The following FAM53A variants were observed in gnomAD, a reference collection of about 807,000 sequenced individuals.
FAM53A encodes protein FAM53A.
A neutral mutation model predicts 26.6 loss-of-function variants in FAM53A; 28 were observed. The ratio of observed to expected loss-of-function variants is 1.05; its 90% CI spans 0.78 to 1.45. The LOEUF is 1.45. Among genes scored for constraint, FAM53A ranks in the 40% most tolerant of loss-of-function variants. The pLI, the probability that FAM53A is intolerant of heterozygous loss-of-function variation, is 0.00. For missense variants in FAM53A, 650 were observed against 575.8 expected (o/e 1.13, Z -1.32); for synonymous variants, 290 against 253.1 (o/e 1.15, Z -1.38).
chr4:1,581,577 G>T, the FAM53A span, among the ~76,000 whole-genome samples: 7 of 152,252 alleles, frequency 4.6e-5, no homozygotes, highest in African/African-American at 1.7e-4. Context: ...GTGTTTCTAA[G>T]CAGGCCAAAT....
At chr4:1,590,234 GTCTT>G in the FAM53A span, among the ~76,000 whole-genome samples, 1 of 152,110 alleles carries the variant, frequency 6.6e-6, no homozygotes, top group Non-Finnish European at 1.5e-5. Flanking sequence ...AAAGGATACA[GTCTT>G]TATTATGCCA....
At chr4:1,580,226 C>G in the FAM53A span, 1 of 152,212 alleles carries the variant, frequency 6.6e-6, no homozygotes, top group South Asian at 2.1e-4. Context: ...TGATGGAGTG[C>G]GAGCCGGGAG....
chr4:1,658,705 G>A (rs1010192286), intron 2 of FAM53A, among the ~76,000 whole-genome samples: 13 of 152,262 alleles, frequency 8.5e-5, no homozygotes, highest in Non-Finnish European at 1.9e-4. Flanking sequence ...GGCAGGTCAC[G>A]GCTTGGAGGC....
At chr4:1,576,142 C>T in the FAM53A span, among the ~76,000 whole-genome samples, 8 of 152,266 alleles carry the variant, frequency 5.3e-5, no homozygotes, top group African/African-American at 9.6e-5. Flanking sequence ...CCCTAGTCGA[C>T]GCGTCTTATC....
At chr4:1,620,298 T>C (rs1232698812) in intron 1 of FAM53A, among the ~76,000 whole-genome samples, 5 of 152,090 alleles carry the variant, frequency 3.3e-5, no homozygotes, top group Non-Finnish European at 4.4e-5. Flanking sequence ...CAAGTGTGCC[T>C]GGACACAGCT....
chr4:1,620,430 CTT>C (rs1714979236), intron 1 of FAM53A, among the ~76,000 whole-genome samples: 1 of 151,894 alleles, frequency 6.6e-6, no homozygotes, highest in East Asian at 1.9e-4. Context: ...GGGGGATTCT[CTT>C]TGGTTCCTGC....
chr4:1,643,979 C>A (rs1194696174), intron 4 of FAM53A, among the ~76,000 whole-genome samples: 1 of 152,206 alleles, frequency 6.6e-6, no homozygotes, highest in South Asian at 2.1e-4. Flanking sequence ...ATCACTTGTC[C>A]GTACAAGCCC....
chr4:1,624,779 G>A (rs1167354422), intron 1 of FAM53A, among the ~76,000 whole-genome samples: 1 of 152,194 alleles, frequency 6.6e-6, no homozygotes, highest in Non-Finnish European at 1.5e-5. Context: ...CTGACATGCG[G>A]GCACACTCCA....
chr4:1,623,154 C>CAGCAGT (rs1404589214), intron 1 of FAM53A, among the ~76,000 whole-genome samples: 5 of 152,190 alleles, frequency 3.3e-5, no homozygotes, highest in African/African-American at 1.2e-4. Flanking sequence ...TCCAGCCCTC[C>CAGCAGT]AGCAGTCCAC....
In FAM53A at chr4:1,641,275, G is replaced by A. The variant is rs375813271; in HGVS notation, c.*18C>T. On this transcript the variant is annotated 3_prime_UTR_variant, in exon 5 of 5. Coordinates refer to ENST00000308132, the MANE Select transcript of FAM53A (RefSeq NM_001174070.3). ...AGGTGCAGGCGGCAGCCATGGCCCC[G>A]ACCAGCCCCCACCAGCCTCAGTTGT... 32 of 1,612,392 alleles carry A rather than the reference G, an allele frequency of 2.0e-5. 2 individuals carry two copies. In the South Asian group the frequency reaches 2.1e-4, roughly 11 times the overall value.
chr4:1,669,127 G>C (rs1867925), intron 1 of FAM53A, among the ~76,000 whole-genome samples: 3 of 151,956 alleles, frequency 2.0e-5, no homozygotes, highest in Non-Finnish European at 4.4e-5. Flanking sequence ...CACCCGCCCC[G>C]GAAGCCTCAA....
intron 1 of FAM53A, among the ~76,000 whole-genome samples, chr4:1,629,537 C>A (rs1486932303): frequency 6.6e-6 from 1 of 152,168 alleles, no homozygotes; most frequent in African/African-American, 2.4e-5. Flanking sequence ...TTGGGCCTGT[C>A]CAGGCTCCAC....
the FAM53A span, among the ~76,000 whole-genome samples, chr4:1,600,783 G>A: frequency 2.6e-5 from 4 of 152,052 alleles, 1 homozygote; most frequent in Admixed American, 2.0e-4. Context: ...CAGCCTCCCC[G>A]GCTCAGGCAA....
At chr4:1,652,062 ACCACATACACCAGTC>A in intron 4 of FAM53A, among the ~76,000 whole-genome samples, 1 of 132,996 alleles carries the variant, frequency 7.5e-6, no homozygotes, top group South Asian at 2.5e-4. Flanking sequence ...CCACACACAC[ACCACATACACCAGTC>A]ACACACACAT....
intron 1 of FAM53A, among the ~76,000 whole-genome samples, chr4:1,623,372 C>G (rs1240465021): frequency 6.6e-6 from 1 of 150,598 alleles, no homozygotes; most frequent in Middle Eastern, 3.2e-3. Flanking sequence ...GAGGCTGTGG[C>G]AGCCTCAAGC....
chr4:1,637,928 T>C (rs1715918868), downstream of FAM53A, among the ~76,000 whole-genome samples: 1 of 149,028 alleles, frequency 6.7e-6, no homozygotes. Context: ...CATCCACCTG[T>C]CCACGGCTCT....
At chr4:1,604,251 G>A in the FAM53A span, among the ~76,000 whole-genome samples, 1 of 152,232 alleles carries the variant, frequency 6.6e-6, no homozygotes, top group Non-Finnish European at 1.5e-5. Context: ...CCCACCCAGG[G>A]CTGCCCAAGG....
At chr4:1,576,156 C>T in the FAM53A span, among the ~76,000 whole-genome samples, 2 of 152,248 alleles carry the variant, frequency 1.3e-5, no homozygotes, top group African/African-American at 4.8e-5. Flanking sequence ...TCTTATCACA[C>T]AGTCAGAACT....
At position 1,663,534 on chromosome 4, in the gene FAM53A, C is replaced by T. The variant is rs904094425; in HGVS notation, c.75+5133G>A. Among the ~76,000 whole-genome samples the T allele has an allele frequency of 3.9e-5, 6 of 152,302 alleles. No homozygotes were observed. In the East Asian group the frequency reaches 1.2e-3, roughly 29 times the overall value. ...AACACGAACCTGATCGAGCTTCGAGCCTCACAGCACTGCCTGCGAGAACAT... is the reference window on the plus strand; with the variant it reads ...AACACGAACCTGATCGAGCTTCGAGTCTCACAGCACTGCCTGCGAGAACAT... On this transcript the variant is annotated intron_variant, in intron 2 of 4. Coordinates refer to ENST00000308132, the MANE Select transcript of FAM53A (RefSeq NM_001174070.3).
Sources: gnomAD v4.1 joint callset for allele counts (sites outside exome capture counted in the v4.1 genomes callset) on GRCh38, gnomAD v4.1.1 for gene constraint, MANE v1.5 for transcripts, NCBI Gene and HGNC (gene_info 2026-07-23, HGNC 2026-07-21) for gene names.